The following PARL variants were observed in gnomAD, a reference collection of about 807,000 sequenced individuals.
PARL encodes presenilin associated rhomboid like.
In PARL, 44 loss-of-function variants were observed where a neutral mutation model predicts 51.6. The observed-to-expected ratio is 0.85, with a 90% CI of 0.67 to 1.10. The LOEUF is 1.10. PARL is among the 50% of genes least tolerant of loss of function. The probability of loss-of-function intolerance (pLI) is 0.00; values close to 1 mark genes in which losing one functional copy is unlikely to be tolerated. For synonymous variants in PARL, 172 were observed against 164.0 expected, an observed-to-expected ratio of 1.05 and a Z score of -0.37; for missense variants, 441 against 469.5, an observed-to-expected ratio of 0.94 and a Z score of 0.56.
At chr3:183,828,420 G>A (rs751254851), downstream of PARL, among the ~76,000 whole-genome samples, 5 of 152,232 alleles carry the variant, frequency 3.3e-5, no homozygotes, top group South Asian at 2.1e-4. Flanking sequence ...CCTACACCAC[G>A]TGTGCCGTTT....
chr3:183,826,855 G>C (rs1224379741), downstream of PARL: 3 of 796,654 alleles, frequency 3.8e-6, no homozygotes, highest in Non-Finnish European at 4.6e-6. Context: ...CGCAGGAAAA[G>C]AGAGCAGCTC....
At chr3:183,839,737 A>G (rs965420398) in intron 7 of PARL, among the ~76,000 whole-genome samples, 1 of 142,606 alleles carries the variant, frequency 7.0e-6, no homozygotes, top group Non-Finnish European at 1.5e-5. Context: ...CACTTAAAAA[A>G]AAATTTTTTT....
At chr3:183,882,222 AATATATATATATATATATATATT>A (rs1300482654) in intron 1 of PARL, among the ~76,000 whole-genome samples, 579 of 46,106 alleles carry the variant, frequency 0.013, 45 homozygotes, top group African/African-American at 0.044. Context: ...AAAAAAAAAA[AATATATATATATATATATATATT>A]TATATATATA....
chr3:183,850,701 A>C (rs1455083284), intron 4 of PARL, among the ~76,000 whole-genome samples: 1 of 152,242 alleles, frequency 6.6e-6, no homozygotes, highest in Non-Finnish European at 1.5e-5. Context: ...AAAAACTATC[A>C]ATATTCCTTT....
In PARL at chr3:183,829,476, C is replaced by A. The variant is rs1487285716; in HGVS notation, c.*122G>T. The A allele has an allele frequency of 2.5e-5, 40 of 1,608,618 alleles. No homozygotes were observed. In the East Asian group the frequency reaches 8.9e-4, roughly 36 times the overall value. ...ACGGACTGGGGGACACAGCTGAAAA[C>A]AGTGGGAGGCCAGATGCTGGCATCT... On this transcript the variant is annotated 3_prime_UTR_variant, in exon 10 of 10. Coordinates refer to ENST00000317096, the MANE Select transcript of PARL (RefSeq NM_018622.7).
At chr3:183,863,295 A>C (rs1732055362) in intron 3 of PARL, among the ~76,000 whole-genome samples, 1 of 152,236 alleles carries the variant, frequency 6.6e-6, no homozygotes, top group East Asian at 1.9e-4. Flanking sequence ...TCAGGGATAC[A>C]TGTTGAAAAT....
At chr3:183,884,491 G>T (rs1318442789) in intron 1 of PARL, among the ~76,000 whole-genome samples, 4 of 152,190 alleles carry the variant, frequency 2.6e-5, no homozygotes, top group Non-Finnish European at 5.9e-5. Flanking sequence ...TTCCAGTCAC[G>T]TCCTTCCCAA....
chr3:183,855,793 C>T (rs1410450381), intron 4 of PARL, among the ~76,000 whole-genome samples: 1 of 151,964 alleles, frequency 6.6e-6, no homozygotes, highest in Non-Finnish European at 1.5e-5. Context: ...AACCCTGTCT[C>T]TACTAAAAAT....
At chr3:183,877,874 T>G (rs1315032438) in intron 1 of PARL, among the ~76,000 whole-genome samples, 1 of 151,692 alleles carries the variant, frequency 6.6e-6, no homozygotes, top group African/African-American at 2.4e-5. Context: ...CACTGCAATC[T>G]CCACCTCCCA....
At chr3:183,881,273 C>T (rs959957778) in intron 1 of PARL, among the ~76,000 whole-genome samples, 1 of 152,094 alleles carries the variant, frequency 6.6e-6, no homozygotes, top group Non-Finnish European at 1.5e-5. Context: ...AGGCCCCTGC[C>T]ACCGTGCCTG....
intron 1 of PARL, among the ~76,000 whole-genome samples, chr3:183,872,733 A>G (rs915347847): frequency 1.3e-5 from 2 of 152,206 alleles, no homozygotes; most frequent in Non-Finnish European, 2.9e-5. Flanking sequence ...CAAATGAAAC[A>G]TAAGAATTTT....
chr3:183,884,876 A>G lies in PARL; in HGVS notation c.-30T>C, dbSNP rs369358287. Reference sequence around the variant, plus strand: ...CCAACCTCTGCCCCACCATGGCCCGACCTTACCAACCCCAGCTGCGCAACT... The same window carrying G: ...CCAACCTCTGCCCCACCATGGCCCGGCCTTACCAACCCCAGCTGCGCAACT... On this transcript the variant is annotated 5_prime_UTR_variant, in exon 1 of 10. Coordinates refer to ENST00000317096, the MANE Select transcript of PARL (RefSeq NM_018622.7). 62 of 1,595,642 alleles carry G rather than the reference A, an allele frequency of 3.9e-5. No homozygotes were observed. The African/African-American group carries it at 5.7e-4, about 15-fold the overall frequency.
chr3:183,828,944 G>A (rs747298773), downstream of PARL, among the ~76,000 whole-genome samples: 1 of 152,162 alleles, frequency 6.6e-6, no homozygotes, highest in South Asian at 2.1e-4. Flanking sequence ...TCAGTGAGAC[G>A]CTTCAATTAG....
At chr3:183,837,875 G>A (rs370286508) in intron 7 of PARL, among the ~76,000 whole-genome samples, 1 of 152,238 alleles carries the variant, frequency 6.6e-6, no homozygotes, top group South Asian at 2.1e-4. Context: ...ACTTTGGGAG[G>A]CCCAGGTAGG....
chr3:183,835,458 C>T (rs1015064283), intron 7 of PARL, among the ~76,000 whole-genome samples: 5 of 152,122 alleles, frequency 3.3e-5, no homozygotes, highest in Admixed American at 1.3e-4. Context: ...GAAACAAGCT[C>T]GGGTTGCATT....
chr3:183,872,713 G>A (rs1018293256), intron 1 of PARL, among the ~76,000 whole-genome samples: 9 of 152,172 alleles, frequency 5.9e-5, no homozygotes, highest in Non-Finnish European at 1.3e-4. Context: ...ATATCACACA[G>A]GATTACAGCC....
rs762900806 is a variant in PARL, at chr3:183,844,324, T to C, written c.514A>G (p.Ile172Val). 2 of 1,556,822 alleles carry C rather than the reference T, an allele frequency of 1.3e-6. No individual in the cohort carries two copies. The highest frequency in any genetic ancestry group is 4.5e-5 in the East Asian group (2 of 44,638). The change falls in exon 5 of 10, where the codon ATT (isoleucine) becomes GTT (valine). Residue 172 changes from isoleucine (I) to valine (V), a missense_variant and splice_region_variant. Coordinates refer to ENST00000317096, the MANE Select transcript of PARL (RefSeq NM_018622.7). ...AATACAAGGACATTTGCAGCTATAA[T>C]ACCTACAAAATAAATATTTATAATT... Reference protein sequence around the residue: ...LSDGQRTVTGIIAANVLVFCL... With the variant: ...LSDGQRTVTGVIAANVLVFCL...
At chr3:183,884,587 G>C (rs1436851406) in intron 1 of PARL, 135 bp downstream of exon 1, 2 of 833,608 alleles carry the variant, frequency 2.4e-6, no homozygotes, top group African/African-American at 1.7e-5. Flanking sequence ...CGAGAGAGGA[G>C]AGAGAAGGGG....
chr3:183,850,443 T>C (rs896132654), intron 4 of PARL, among the ~76,000 whole-genome samples: 3 of 152,250 alleles, frequency 2.0e-5, no homozygotes, highest in Non-Finnish European at 4.4e-5. Context: ...TACATCCTAA[T>C]GTAATATGAT....
Sources: allele counts gnomAD v4.1 joint callset (sites outside exome capture counted in the v4.1 genomes callset), GRCh38; gene constraint gnomAD v4.1.1; transcripts MANE v1.5; gene names NCBI Gene and HGNC (gene_info 2026-07-23, HGNC 2026-07-21).